CAMK2B: variants seen among roughly 807,000 people sequenced by gnomAD.
CAMK2B encodes calcium/calmodulin dependent protein kinase II beta.
In CAMK2B, 27 loss-of-function variants were observed where a neutral mutation model predicts 93.7. That is an observed-to-expected ratio of 0.29 (90% confidence interval 0.21 to 0.40). The LOEUF is 0.40. Ranked by LOEUF, CAMK2B falls within the 10% of genes least tolerant of loss-of-function variation. CAMK2B has a pLI of 1.00. For missense variants in CAMK2B, 568 were observed against 895.8 expected (o/e 0.63, Z 4.67); for synonymous variants, 374 against 358.8 (o/e 1.04, Z -0.48).
intron 2 of CAMK2B, among the ~76,000 whole-genome samples, chr7:44,279,913 C>G (rs745900787): frequency 6.6e-6 from 1 of 152,204 alleles, no homozygotes; most frequent in Admixed American, 6.5e-5. Flanking sequence ...TTGGAGTGAA[C>G]GAGCACAAGA....
chr7:44,278,979 G>A (rs569807686), intron 2 of CAMK2B, among the ~76,000 whole-genome samples: 1 of 152,244 alleles, frequency 6.6e-6, no homozygotes, highest in Non-Finnish European at 1.5e-5. Flanking sequence ...CCCAGGAGCA[G>A]GACTCAAGCA....
At chr7:44,309,434 CG>C (rs934186521) in intron 1 of CAMK2B, among the ~76,000 whole-genome samples, 3 of 152,174 alleles carry the variant, frequency 2.0e-5, no homozygotes, top group African/African-American at 7.2e-5. Context: ...CCTCCAGCCC[CG>C]GGGCCCACCC....
intron 2 of CAMK2B, among the ~76,000 whole-genome samples, chr7:44,272,197 C>T (rs560887599): frequency 2.6e-5 from 4 of 152,174 alleles, no homozygotes; most frequent in South Asian, 2.1e-4. Flanking sequence ...GGGTGGGCAG[C>T]GAGGACTTGG....
chr7:44,305,567 G>C lies in CAMK2B; in HGVS notation c.65+19790C>G, dbSNP rs369607445. ...CTGCACAGGTCCCCTGAGGTGCCCT[G>C]CACTGGCTCAAAAACAGTCTCCTGG... On this transcript the variant is annotated intron_variant, in intron 1 of 23. Transcript: ENST00000395749. Among the ~76,000 whole-genome samples, 91 of 152,344 alleles carry C rather than the reference G, an allele frequency of 6.0e-4. 1 individual carries two copies. In the South Asian group the frequency reaches 0.013, roughly 22 times the overall value.
intron 1 of CAMK2B, among the ~76,000 whole-genome samples, chr7:44,298,691 A>T (rs992079678): frequency 2.6e-5 from 4 of 152,216 alleles, no homozygotes; most frequent in Non-Finnish European, 4.4e-5. Flanking sequence ...AGAAACAAAC[A>T]AGCCAATTCA....
In CAMK2B at chr7:44,231,577, C is replaced by T. The variant is rs2128923340; in HGVS notation, c.1177-523G>A. Among the ~76,000 whole-genome samples the T allele has an allele frequency of 2.0e-5, 3 of 152,354 alleles. No individual in the cohort carries two copies. The Middle Eastern group carries it at 0.01, about 518-fold the overall frequency. On this transcript the variant is annotated intron_variant, in intron 16 of 23. Coordinates refer to ENST00000395749, the MANE Select transcript of CAMK2B (RefSeq NM_001220.5). Reference sequence around the variant, plus strand: ...CAATGAAGCAGCAGCCGGTGTCATCCAAAATACAGGGTGAGGCGTTCCCAG... The same window carrying T: ...CAATGAAGCAGCAGCCGGTGTCATCTAAAATACAGGGTGAGGCGTTCCCAG...
chr7:44,320,412 G>T (rs1795803286), intron 1 of CAMK2B, among the ~76,000 whole-genome samples: 1 of 152,176 alleles, frequency 6.6e-6, no homozygotes, highest in African/African-American at 2.4e-5. Context: ...TCTGAGAGGA[G>T]CAGAATGTGG....
chr7:44,257,065 G>T (rs1388087817), intron 4 of CAMK2B, among the ~76,000 whole-genome samples: 2 of 152,212 alleles, frequency 1.3e-5, no homozygotes, highest in East Asian at 3.8e-4. Context: ...GGGCGTGCAG[G>T]TGTGTGTGAG....
chr7:44,259,388 C>A (rs1338781555), intron 3 of CAMK2B: 2 of 174,268 alleles, frequency 1.1e-5, no homozygotes, highest in Non-Finnish European at 2.5e-5. Context: ...CACCCTGGGT[C>A]TTCCCAGGGC....
At chr7:44,316,067 C>G (rs1282376185) in intron 1 of CAMK2B, among the ~76,000 whole-genome samples, 1 of 152,094 alleles carries the variant, frequency 6.6e-6, no homozygotes, top group Non-Finnish European at 1.5e-5. Context: ...TGCCTAATTG[C>G]CCTGGCTAGA....
At chr7:44,284,266 C>T (rs1265948728) in intron 1 of CAMK2B, 41 bp from the exon 2 acceptor site, 1 of 1,379,344 alleles carries the variant, frequency 7.2e-7, no homozygotes, top group Non-Finnish European at 1.0e-6. Flanking sequence ...GAGACAGAGA[C>T]AGACAAGGAG....
At chr7:44,305,017 G>A (rs945605251) in intron 1 of CAMK2B, among the ~76,000 whole-genome samples, 10 of 150,704 alleles carry the variant, frequency 6.6e-5, no homozygotes, top group Non-Finnish European at 1.2e-4. Flanking sequence ...GTATCACAAG[G>A]AAAATGCCTA....
chr7:44,267,828 C>A (rs184517972), intron 2 of CAMK2B, among the ~76,000 whole-genome samples: 2 of 152,314 alleles, frequency 1.3e-5, no homozygotes, highest in East Asian at 1.9e-4. Flanking sequence ...CAGGCTAAAC[C>A]GGAGCCTGCA....
intron 1 of CAMK2B, among the ~76,000 whole-genome samples, chr7:44,317,374 C>T (rs1021116241): frequency 6.6e-6 from 1 of 151,690 alleles, no homozygotes; most frequent in African/African-American, 2.4e-5. Flanking sequence ...GGGTAAAATA[C>T]ACACCAGATT....
intron 16 of CAMK2B, among the ~76,000 whole-genome samples, chr7:44,232,419 G>T (rs529635122): frequency 8.5e-5 from 13 of 152,308 alleles, no homozygotes; most frequent in South Asian, 2.1e-4. Context: ...AGGAGGGAGG[G>T]TCTGCTCAGC....
intron 2 of CAMK2B, among the ~76,000 whole-genome samples, chr7:44,272,927 G>C (rs1338718131): frequency 6.6e-6 from 1 of 152,234 alleles, no homozygotes. Context: ...CCCTGTCACT[G>C]CCATGCTGTG....
rs2096458234 is a variant in CAMK2B at position 44,225,007 on chromosome 7, T to C, written c.1597+1509A>G. ...GGCCACACGAATCTCCATCCTGCCC[T>C]GCTCACAGCTCCTTCCTGCAGCCCC... On this transcript the variant is annotated intron_variant, in intron 20 of 23. Transcript: ENST00000395749. The surrounding 1 kb of genome is among the most constrained non-coding windows in gnomAD (Gnocchi z 5.0). Among the ~76,000 whole-genome samples, 1 of 151,924 alleles carries C rather than the reference T, an allele frequency of 6.6e-6. No individual in the cohort carries two copies. The highest frequency in any genetic ancestry group is 1.5e-5 in the Non-Finnish European group (1 of 67,954).
intron 1 of CAMK2B, among the ~76,000 whole-genome samples, chr7:44,318,839 A>G (rs1795403182): frequency 6.6e-6 from 1 of 152,224 alleles, no homozygotes; most frequent in Non-Finnish European, 1.5e-5. Flanking sequence ...TCATAACTTA[A>G]GTTATTTTTG....
intron 16 of CAMK2B, 97 bp downstream of exon 16, chr7:44,232,725 T>C: frequency 8.1e-7 from 1 of 1,230,546 alleles, no homozygotes; most frequent in Non-Finnish European, 1.2e-6. Flanking sequence ...GCATGGGACA[T>C]CTGCCCTCCA....
Sources: allele counts gnomAD v4.1 joint callset (sites outside exome capture counted in the v4.1 genomes callset), GRCh38; gene constraint gnomAD v4.1.1; non-coding constraint Gnocchi (gnomAD v3.1); transcripts MANE v1.5; gene names NCBI Gene and HGNC (gene_info 2026-07-23, HGNC 2026-07-21).